Variants in LY86 observed in about 807,000 individuals in gnomAD.
The protein encoded by LY86 is MD-1, RP105-associated.
LY86 carries 20 observed loss-of-function variants against 17.3 expected under a neutral mutation model. The ratio of observed to expected loss-of-function variants is 1.15; its 90% CI spans 0.81 to 1.68. The LOEUF is 1.68. Among genes scored for constraint, LY86 ranks in the 40% most tolerant of loss-of-function variants. The pLI, the probability that LY86 is intolerant of heterozygous loss-of-function variation, is 0.00. For missense variants in LY86, 200 were observed against 191.9 expected (o/e 1.04, Z -0.25); for synonymous variants, 74 against 70.6 (o/e 1.05, Z -0.24).
At chr6:6,590,111 T>C (rs1396723331) in intron 1 of LY86, among the ~76,000 whole-genome samples, 3 of 94,354 alleles carry the variant, frequency 3.2e-5, no homozygotes, top group African/African-American at 9.0e-5. Flanking sequence ...GGAGCGAAAC[T>C]CTGTCTTAAA....
At chr6:6,605,972 G>C (rs559478099) in intron 1 of LY86, among the ~76,000 whole-genome samples, 2 of 152,162 alleles carry the variant, frequency 1.3e-5, no homozygotes, top group African/African-American at 2.4e-5. Flanking sequence ...TGGACCCAAA[G>C]AGCGACCACC....
At chr6:6,608,388 G>C (rs1035034419) in intron 1 of LY86, among the ~76,000 whole-genome samples, 1 of 152,314 alleles carries the variant, frequency 6.6e-6, no homozygotes, top group East Asian at 1.9e-4. Context: ...TTTTCATGGA[G>C]GTAGAGTACA....
intron 1 of LY86, among the ~76,000 whole-genome samples, chr6:6,608,741 A>G (rs1761258825): frequency 6.6e-6 from 1 of 152,272 alleles, no homozygotes; most frequent in Non-Finnish European, 1.5e-5. Flanking sequence ...AGAGAAGGGC[A>G]TAGCGTTGAG....
At chr6:6,605,289 C>T (rs75674257) in intron 1 of LY86, among the ~76,000 whole-genome samples, 35 of 152,012 alleles carry the variant, frequency 2.3e-4, no homozygotes, top group African/African-American at 8.0e-4. Context: ...CAGTTTTTTT[C>T]CTCTGGGGCA....
chr6:6,609,934 G>A (rs1761289349), intron 1 of LY86, among the ~76,000 whole-genome samples: 1 of 152,068 alleles, frequency 6.6e-6, no homozygotes, highest in Admixed American at 6.5e-5. Flanking sequence ...TGCAAGAAAC[G>A]TTTGCACTGG....
At chr6:6,648,348 C>T (rs549561836) in intron 3 of LY86, among the ~76,000 whole-genome samples, 2 of 152,320 alleles carry the variant, frequency 1.3e-5, no homozygotes, top group African/African-American at 4.8e-5. Context: ...CCTACCATTT[C>T]CTGCAGGTCC....
At chr6:6,626,197 A>T (rs1458709843) in intron 2 of LY86, 96 bp from the exon 3 acceptor site, 31 of 1,261,074 alleles carry the variant, frequency 2.5e-5, no homozygotes, top group Admixed American at 1.3e-4. Context: ...AATGGAAACA[A>T]AAGGTTCTTT....
At chr6:6,639,991 G>T (rs554632567) in intron 3 of LY86, among the ~76,000 whole-genome samples, 1 of 152,152 alleles carries the variant, frequency 6.6e-6, no homozygotes, top group Non-Finnish European at 1.5e-5. Context: ...CAGATAATGC[G>T]CTTGCTCACA....
At chr6:6,608,133 C>G (rs1339286419) in intron 1 of LY86, among the ~76,000 whole-genome samples, 4 of 152,194 alleles carry the variant, frequency 2.6e-5, no homozygotes, top group African/African-American at 9.7e-5. Context: ...GTCACTGCCA[C>G]TTGTATTCAG....
chr6:6,619,413 C>T (rs1761624407), intron 1 of LY86, among the ~76,000 whole-genome samples: 1 of 152,192 alleles, frequency 6.6e-6, no homozygotes, highest in Non-Finnish European at 1.5e-5. Flanking sequence ...CTAACACACC[C>T]CCCCATTATT....
intron 1 of LY86, among the ~76,000 whole-genome samples, chr6:6,603,591 C>CCAAAA (rs1760983357): frequency 4.3e-5 from 1 of 23,378 alleles, no homozygotes; most frequent in Admixed American, 5.5e-4. Flanking sequence ...AAGCCAAAAA[C>CCAAAA]AAAAACAGAA....
intron 1 of LY86, among the ~76,000 whole-genome samples, chr6:6,605,671 G>A (rs116109940): frequency 1.3e-5 from 2 of 152,350 alleles, no homozygotes; most frequent in Admixed American, 6.5e-5. Context: ...GGAATTGATG[G>A]GTTCTTCATC....
At chr6:6,617,009 C>T (rs184978632) in intron 1 of LY86, among the ~76,000 whole-genome samples, 17 of 152,304 alleles carry the variant, frequency 1.1e-4, no homozygotes, top group African/African-American at 2.6e-4. Flanking sequence ...ACATTGGCAG[C>T]GGAGAAGCAT....
At chr6:6,616,376 C>T (rs182850612) in intron 1 of LY86, among the ~76,000 whole-genome samples, 13 of 152,274 alleles carry the variant, frequency 8.5e-5, no homozygotes, top group Admixed American at 7.8e-4. Context: ...GGGTGAGACC[C>T]GCACAGCAAC....
chr6:6,596,528 GGA>G (rs1371520667), intron 1 of LY86, among the ~76,000 whole-genome samples: 1 of 152,156 alleles, frequency 6.6e-6, no homozygotes, highest in Non-Finnish European at 1.5e-5. Context: ...GTATAATTTA[GGA>G]AAAGTAGACA....
intron 1 of LY86, among the ~76,000 whole-genome samples, chr6:6,620,617 T>C (rs1389077040): frequency 6.6e-6 from 1 of 152,232 alleles, no homozygotes; most frequent in East Asian, 1.9e-4. Flanking sequence ...GATTTTGTCT[T>C]CTTCCTACTG....
chr6:6,634,277 A>G (rs1031533014), intron 3 of LY86, among the ~76,000 whole-genome samples: 1 of 152,242 alleles, frequency 6.6e-6, no homozygotes, highest in African/African-American at 2.4e-5. Flanking sequence ...AAGAAATATG[A>G]TGACACCTTT....
chr6:6,602,320 A>G (rs1213080799), intron 1 of LY86, among the ~76,000 whole-genome samples: 2 of 152,230 alleles, frequency 1.3e-5, no homozygotes, highest in African/African-American at 4.8e-5. Flanking sequence ...TTTGATAACT[A>G]GCAGACCCAA....
chr6:6,619,354 T>C (rs1232031327), intron 1 of LY86, among the ~76,000 whole-genome samples: 2 of 152,228 alleles, frequency 1.3e-5, no homozygotes, highest in African/African-American at 4.8e-5. Flanking sequence ...TCAACCACAC[T>C]CAGACACTCT....
Sources: gnomAD v4.1 joint callset for allele counts (sites outside exome capture counted in the v4.1 genomes callset) on GRCh38, gnomAD v4.1.1 for gene constraint, MANE v1.5 for transcripts, NCBI Gene and HGNC (gene_info 2026-07-23, HGNC 2026-07-21) for gene names.